The following GABRB2 variants were observed in gnomAD, a reference collection of about 807,000 sequenced individuals.
GABRB2 encodes the protein gamma-aminobutyric acid type A receptor subunit beta2.
A neutral mutation model predicts 54.7 loss-of-function variants in GABRB2; 16 were observed. The observed-to-expected ratio is 0.29, with a 90% confidence interval of 0.20 to 0.44. The LOEUF is 0.44. GABRB2 is among the 20% of genes least tolerant of loss of function. GABRB2 has a pLI of 1.00. For missense variants in GABRB2, 355 were observed against 644.0 expected (o/e 0.55, Z 4.86); for synonymous variants, 244 against 233.8 (o/e 1.04, Z -0.40).
At chr5:161,484,919 A>G (rs959302490) in intron 3 of GABRB2, among the ~76,000 whole-genome samples, 1 of 151,882 alleles carries the variant, frequency 6.6e-6, no homozygotes, top group Non-Finnish European at 1.5e-5. Context: ...TAGGGTTCAA[A>G]CTTCTTAGTA....
At chr5:161,403,235 G>C (rs1037868375) in intron 5 of GABRB2, among the ~76,000 whole-genome samples, 3 of 152,114 alleles carry the variant, frequency 2.0e-5, no homozygotes, top group Non-Finnish European at 2.9e-5. Flanking sequence ...TCTATAAATA[G>C]AGGGGAAAAA....
At chr5:161,449,900 G>C (rs1441001085) in intron 4 of GABRB2, among the ~76,000 whole-genome samples, 4 of 151,942 alleles carry the variant, frequency 2.6e-5, no homozygotes, top group African/African-American at 9.7e-5. Flanking sequence ...GTATTCTGGT[G>C]ACTCAGAAGG....
At chr5:161,366,948 A>AAAAAG (rs763853666) in intron 5 of GABRB2, among the ~76,000 whole-genome samples, 40 of 152,318 alleles carry the variant, frequency 2.6e-4, no homozygotes, top group Middle Eastern at 3.4e-3. Flanking sequence ...ACTCCATCTC[A>AAAAAG]AAAAGAAAAG....
chr5:161,384,785 C>T (rs1489132327), intron 5 of GABRB2, among the ~76,000 whole-genome samples: 3 of 152,138 alleles, frequency 2.0e-5, no homozygotes, highest in Admixed American at 2.0e-4. Context: ...TAGGTGAACC[C>T]AACAGATGAA....
intron 3 of GABRB2, among the ~76,000 whole-genome samples, chr5:161,523,473 C>A (rs1760178300): frequency 6.6e-6 from 1 of 151,446 alleles, no homozygotes; most frequent in Admixed American, 6.6e-5. Context: ...CTCTGACAGG[C>A]CACATTAGTT....
At chr5:161,383,310 T>A (rs1426026272) in intron 5 of GABRB2, among the ~76,000 whole-genome samples, 2 of 152,198 alleles carry the variant, frequency 1.3e-5, no homozygotes, top group South Asian at 4.1e-4. Flanking sequence ...TCTCTGTTTT[T>A]ATGAGTTCAA....
At chr5:161,538,551 G>T (rs1428002865) in intron 3 of GABRB2, among the ~76,000 whole-genome samples, 1 of 152,192 alleles carries the variant, frequency 6.6e-6, no homozygotes. Flanking sequence ...CCTGGGCGGT[G>T]GTGGCTCACG....
intron 3 of GABRB2, among the ~76,000 whole-genome samples, chr5:161,477,743 T>C (rs1758638720): frequency 6.6e-6 from 1 of 151,942 alleles, no homozygotes; most frequent in South Asian, 2.1e-4. Flanking sequence ...ACTTGTATGA[T>C]GTATCTAGAG....
chr5:161,372,679 C>T (rs1755167309), intron 5 of GABRB2, among the ~76,000 whole-genome samples: 1 of 152,154 alleles, frequency 6.6e-6, no homozygotes, highest in Admixed American at 6.6e-5. Flanking sequence ...TTACTCAATG[C>T]TTACTCTGTT....
At chr5:161,383,334 T>C (rs1755524252) in intron 5 of GABRB2, among the ~76,000 whole-genome samples, 1 of 152,176 alleles carries the variant, frequency 6.6e-6, no homozygotes, top group South Asian at 2.1e-4. Context: ...TTTATGATTC[T>C]ACATATTAAT....
At chr5:161,427,307 C>T (rs779810735) in intron 4 of GABRB2, among the ~76,000 whole-genome samples, 1 of 152,036 alleles carries the variant, frequency 6.6e-6, no homozygotes, top group Non-Finnish European at 1.5e-5. Flanking sequence ...GAAGCTTTGA[C>T]CATAAATTAT....
At chr5:161,474,413 C>A (rs768787234) in intron 3 of GABRB2, among the ~76,000 whole-genome samples, 4 of 151,930 alleles carry the variant, frequency 2.6e-5, no homozygotes, top group Non-Finnish European at 5.9e-5. Flanking sequence ...TACCTCCATA[C>A]AGTGCGGGGC....
chr5:161,365,246 A>T (rs1754940342), intron 5 of GABRB2, among the ~76,000 whole-genome samples: 1 of 152,188 alleles, frequency 6.6e-6, no homozygotes, highest in Non-Finnish European at 1.5e-5. Context: ...AATGTCAATA[A>T]ATGTCTTTCA....
chr5:161,470,101 C>T (rs1581012639), intron 3 of GABRB2, among the ~76,000 whole-genome samples: 1 of 151,466 alleles, frequency 6.6e-6, no homozygotes, highest in East Asian at 2.0e-4. Context: ...GAATTGCTGC[C>T]CCTCTTTCCT....
chr5:161,544,899 AGAAAATCAC>A (rs1159465587), intron 3 of GABRB2, among the ~76,000 whole-genome samples: 1 of 152,148 alleles, frequency 6.6e-6, no homozygotes, highest in Non-Finnish European at 1.5e-5. Context: ...CATCAAATCC[AGAAAATCAC>A]TTAATGAACT....
chr5:161,341,983 TA>T (rs1754180858), intron 5 of GABRB2, among the ~76,000 whole-genome samples: 2 of 133,544 alleles, frequency 1.5e-5, no homozygotes, highest in East Asian at 2.5e-4. Context: ...ACTTTATTAT[TA>T]TTTTTTCTAG....
chr5:161,429,812 A>T (rs1757123410), intron 4 of GABRB2, among the ~76,000 whole-genome samples: 1 of 152,154 alleles, frequency 6.6e-6, no homozygotes, highest in Non-Finnish European at 1.5e-5. Flanking sequence ...TAGTATGAGG[A>T]GTAGGTTCAA....
At chr5:161,500,808 A>T (rs1192955196) in intron 3 of GABRB2, among the ~76,000 whole-genome samples, 1 of 152,180 alleles carries the variant, frequency 6.6e-6, no homozygotes, top group East Asian at 1.9e-4. Context: ...TCAAATTGTT[A>T]ACTTAATCAA....
At position 161,310,655 on chromosome 5, in the gene GABRB2, A is replaced by G. The variant is rs1319520716; in HGVS notation, c.1191+15713T>C. Among the ~76,000 whole-genome samples the G allele has an allele frequency of 3.4e-5, 5 of 148,624 alleles. No homozygotes were observed. The East Asian group carries it at 9.8e-4, about 29-fold the overall frequency. The stretch of plus-strand genomic sequence containing the variant: ...CATGGTTTCTTTCGTGTACACACAC[A>G]TGCACACGCACGCGCACGCGCGCAC... On this transcript the variant is annotated intron_variant, in intron 9 of 9. Coordinates refer to ENST00000393959, the MANE Select transcript of GABRB2 (RefSeq NM_001371727.1).
Sources: allele counts gnomAD v4.1 joint callset (sites outside exome capture counted in the v4.1 genomes callset), GRCh38; gene constraint gnomAD v4.1.1; transcripts MANE v1.5; gene names NCBI Gene and HGNC (gene_info 2026-07-23, HGNC 2026-07-21).